PUM2: variants seen among roughly 807,000 people sequenced by gnomAD.
PUM2 encodes pumilio homolog 2.
A neutral mutation model predicts 124.5 loss-of-function variants in PUM2; 57 were observed. That is an observed-to-expected ratio of 0.46 (90% CI 0.37 to 0.57). The LOEUF is 0.57. PUM2 is among the 20% of genes least tolerant of loss of function. PUM2 has a pLI of 0.00. For synonymous variants in PUM2, 460 were observed against 446.1 expected, an observed-to-expected ratio of 1.03 and a Z score of -0.39; for missense variants, 1,065 against 1,290.6, an observed-to-expected ratio of 0.83 and a Z score of 2.68.
In PUM2 at chr2:20,325,729, C is replaced by T. The variant is rs570445071; in HGVS notation, c.51+1581G>A. On this transcript the variant is annotated intron_variant, in intron 2 of 20. Transcript: ENST00000361078. ...CTCCGCCTCCCGGGTTCACGCCATTCTCCTGCCTCAGCCTCCCGAGTAGCT... is the reference window on the plus strand; with the variant it reads ...CTCCGCCTCCCGGGTTCACGCCATTTTCCTGCCTCAGCCTCCCGAGTAGCT... 2.6e-5 allele frequency among the ~76,000 whole-genome samples: 4 copies of T among 151,912 alleles called. No individual in the cohort carries two copies. The East Asian group carries it at 7.8e-4, about 29-fold the overall frequency.
intron 20 of PUM2, among the ~76,000 whole-genome samples, chr2:20,253,044 G>C (rs1663844159): frequency 6.6e-6 from 1 of 152,216 alleles, no homozygotes; most frequent in African/African-American, 2.4e-5. Flanking sequence ...TAAGGGACTT[G>C]AGCATCCGTG....
chr2:20,303,349 T>C (rs1427041675), intron 7 of PUM2, among the ~76,000 whole-genome samples: 1 of 151,866 alleles, frequency 6.6e-6, no homozygotes, highest in Non-Finnish European at 1.5e-5. Flanking sequence ...AGGCTGCAAT[T>C]AGCCATAGGC....
upstream of PUM2, among the ~76,000 whole-genome samples, chr2:20,351,031 C>T (rs1249534544): frequency 1.3e-5 from 2 of 152,184 alleles, no homozygotes; most frequent in East Asian, 1.9e-4. Context: ...TCCGGCGTGC[C>T]CTCCCCCGCC....
intron 2 of PUM2, among the ~76,000 whole-genome samples, chr2:20,323,828 T>C (rs1173853588): frequency 7.3e-6 from 1 of 137,098 alleles, no homozygotes; most frequent in Non-Finnish European, 1.5e-5. Context: ...TTAACTACCA[T>C]AAAAGAGTTC....
At chr2:20,274,811 T>C (rs1572651961) in intron 13 of PUM2, among the ~76,000 whole-genome samples, 2 of 151,418 alleles carry the variant, frequency 1.3e-5, no homozygotes, top group East Asian at 3.9e-4. Context: ...GCACAAAGAC[T>C]GGAGTTAAAA....
chr2:20,306,407 A>T (rs1678303406), intron 7 of PUM2, among the ~76,000 whole-genome samples: 1 of 152,194 alleles, frequency 6.6e-6, no homozygotes, highest in Non-Finnish European at 1.5e-5. Flanking sequence ...TAGATGTATT[A>T]GCCTGCCTAA....
upstream of PUM2, among the ~76,000 whole-genome samples, chr2:20,351,686 A>G (rs952461307): frequency 8.5e-5 from 13 of 152,198 alleles, no homozygotes; most frequent in East Asian, 1.9e-4. Flanking sequence ...CACAGCTGTA[A>G]CAGGCACCGT....
intron 10 of PUM2, among the ~76,000 whole-genome samples, chr2:20,287,024 A>C (rs1672905013): frequency 6.6e-6 from 1 of 152,200 alleles, no homozygotes; most frequent in South Asian, 2.1e-4. Flanking sequence ...GAATGAAGAC[A>C]AGACATGGGG....
chr2:20,350,586 G>C lies in PUM2; in HGVS notation c.-19+11C>G. ...AAGGACCGGAGAAAGAGCGAACGCG[G>C]ACTGACTTACAGGGCTGCTGCGGCC... On this transcript the variant is annotated intron_variant, in intron 1 of 20. Coordinates refer to ENST00000361078, the MANE Select transcript of PUM2 (RefSeq NM_015317.5). 1 of 985,470 alleles carries C rather than the reference G, an allele frequency of 1.0e-6. No homozygotes were observed. Among genetic ancestry groups the C allele is most frequent in the East Asian group, 1.1e-4 (1 of 8,808 alleles). 61.0% of individuals were successfully genotyped at this position (985,470 alleles called of 1,614,324 possible).
At chr2:20,337,550 A>G (rs1165128284) in intron 1 of PUM2, among the ~76,000 whole-genome samples, 2 of 152,240 alleles carry the variant, frequency 1.3e-5, no homozygotes, top group East Asian at 1.9e-4. Flanking sequence ...AGAAAAAAAT[A>G]AAGTTTAATA....
At chr2:20,265,293 C>T (rs570778832) in intron 13 of PUM2, among the ~76,000 whole-genome samples, 1 of 151,616 alleles carries the variant, frequency 6.6e-6, no homozygotes, top group East Asian at 1.9e-4. Flanking sequence ...CTATCTTACA[C>T]ACCAAAATCA....
chr2:20,260,754 CATTTA>C (rs1250921721), intron 14 of PUM2, among the ~76,000 whole-genome samples: 2 of 152,068 alleles, frequency 1.3e-5, no homozygotes, highest in African/African-American at 4.8e-5. Flanking sequence ...GCTGCTTATT[CATTTA>C]TTTTTCATAA....
intron 20 of PUM2, 111 bp from the exon 21 acceptor site, chr2:20,251,827 A>T (rs1001138531): frequency 7.6e-7 from 1 of 1,313,228 alleles, no homozygotes; most frequent in Admixed American, 2.3e-5. Context: ...ATTAAAAAAA[A>T]TTTAAATCCA....
At chr2:20,255,915 A>T in intron 17 of PUM2, 118 bp downstream of exon 17, 1 of 1,046,816 alleles carries the variant, frequency 9.6e-7, no homozygotes, top group Non-Finnish European at 1.3e-6. Context: ...ACTGTTTTGT[A>T]TCCTATTTTT....
intron 10 of PUM2, among the ~76,000 whole-genome samples, chr2:20,289,436 A>C (rs1051104880): frequency 7.2e-5 from 11 of 152,224 alleles, no homozygotes; most frequent in African/African-American, 2.4e-4. Context: ...GCCTAAAACA[A>C]CTTCAGCTTC....
At chr2:20,253,786 G>A (rs1422566887) in intron 20 of PUM2, 36 bp downstream of exon 20, 7 of 1,551,188 alleles carry the variant, frequency 4.5e-6, no homozygotes, top group Non-Finnish European at 6.2e-6. Context: ...TAAACACAAA[G>A]ACAAACAGTT....
At chr2:20,328,631 G>A (rs1004588908) in intron 1 of PUM2, among the ~76,000 whole-genome samples, 1 of 151,794 alleles carries the variant, frequency 6.6e-6, no homozygotes, top group Non-Finnish European at 1.5e-5. Context: ...AGCAGAGAAA[G>A]AAAAACTACA....
At chr2:20,292,973 A>C (rs1318333006) in intron 9 of PUM2, among the ~76,000 whole-genome samples, 1 of 152,208 alleles carries the variant, frequency 6.6e-6, no homozygotes, top group Non-Finnish European at 1.5e-5. Context: ...AAGGCTGAAA[A>C]AGGAAATACG....
At chr2:20,317,900 T>C (rs866682395) in intron 3 of PUM2, among the ~76,000 whole-genome samples, 2 of 152,242 alleles carry the variant, frequency 1.3e-5, no homozygotes, top group South Asian at 4.1e-4. Flanking sequence ...TAGTGTTCCA[T>C]GGTGCATATG....
Sources: allele counts gnomAD v4.1 joint callset (sites outside exome capture counted in the v4.1 genomes callset), GRCh38; gene constraint gnomAD v4.1.1; transcripts MANE v1.5; gene names NCBI Gene and HGNC (gene_info 2026-07-23, HGNC 2026-07-21).